RCAN1: variants seen among roughly 807,000 people sequenced by gnomAD.
RCAN1 encodes calcipressin-1.
A neutral mutation model predicts 22.9 loss-of-function variants in RCAN1; 11 were observed. The ratio of observed to expected loss-of-function variants is 0.48; its 90% CI spans 0.30 to 0.79. The LOEUF is 0.79. Among genes scored for constraint, RCAN1 ranks in the 30% least tolerant of loss-of-function variants. The pLI is 0.06. For synonymous variants in RCAN1, 136 were observed against 142.3 expected (o/e 0.96, Z 0.32); for missense variants, 291 against 337.8 (o/e 0.86, Z 1.09).
intron 1 of RCAN1, among the ~76,000 whole-genome samples, chr21:34,603,058 T>G (rs936113790): frequency 4.6e-5 from 7 of 152,138 alleles, no homozygotes; most frequent in Admixed American, 4.6e-4. Flanking sequence ...GGGGTGTCTC[T>G]CCACTTGAAA....
intron 2 of RCAN1, chr21:34,521,905 C>A: frequency 2.0e-6 from 1 of 493,632 alleles, no homozygotes. Flanking sequence ...ACAGGGACTG[C>A]AAATAATTAC....
At chr21:34,571,007 C>A (rs1987216401) in intron 1 of RCAN1, among the ~76,000 whole-genome samples, 1 of 151,992 alleles carries the variant, frequency 6.6e-6, no homozygotes, top group Non-Finnish European at 1.5e-5. Context: ...ACAAATGAAA[C>A]ATGTGGCCAG....
At chr21:34,529,279 C>T (rs536126588) in intron 1 of RCAN1, among the ~76,000 whole-genome samples, 2 of 152,302 alleles carry the variant, frequency 1.3e-5, no homozygotes, top group East Asian at 3.9e-4. Flanking sequence ...CCTTGGTTTT[C>T]CTTGGCTAAA....
intron 1 of RCAN1, among the ~76,000 whole-genome samples, chr21:34,585,756 A>AC (rs1568923708): frequency 6.6e-6 from 1 of 151,032 alleles, no homozygotes; most frequent in Non-Finnish European, 1.5e-5. Context: ...AAAAAAAAAA[A>AC]AAAAAAAACA....
intron 1 of RCAN1, among the ~76,000 whole-genome samples, chr21:34,538,438 G>T (rs571017267): frequency 5.3e-5 from 8 of 152,126 alleles, no homozygotes; most frequent in African/African-American, 1.7e-4. Context: ...CTGTAGAGGT[G>T]AAATTATGTG....
At chr21:34,560,650 A>G (rs1292030696) in intron 1 of RCAN1, among the ~76,000 whole-genome samples, 1 of 152,264 alleles carries the variant, frequency 6.6e-6, no homozygotes, top group Admixed American at 6.5e-5. Flanking sequence ...CTTAATAATT[A>G]GCACCAGAAG....
Position 34,614,573 on chromosome 21 carries a change from G to A in RCAN1, c.252+187C>T. On this transcript the variant is annotated intron_variant, in intron 1 of 3. Coordinates refer to ENST00000313806, the MANE Select transcript of RCAN1 (RefSeq NM_004414.7). The surrounding 1 kb of genome is among the most constrained non-coding windows in gnomAD (Gnocchi z 6.0). ...CTCCGCGCGCCCCGGGGGTGCTAGG[G>A]GACCGGGACCCTCGGGGCGCCGTCC... 1.0e-6 allele frequency: 1 copy of A among 987,602 alleles called. No homozygotes were observed. Among genetic ancestry groups the A allele is most frequent in the African/African-American group, 1.7e-5 (1 of 57,974 alleles). The allele number at this position is 987,602 out of a possible 1,614,324, so 61.2% of individuals were successfully genotyped here. A position where few individuals can be genotyped will look rare whatever the true frequency, so the allele number is the denominator to read the frequency against.
intron 1 of RCAN1, among the ~76,000 whole-genome samples, chr21:34,546,448 A>G (rs1228447380): frequency 1.3e-5 from 2 of 151,812 alleles, no homozygotes; most frequent in Non-Finnish European, 2.9e-5. Context: ...AAAATAATTT[A>G]CTTGTACAAT....
chr21:34,596,982 C>T (rs944821065), intron 1 of RCAN1, among the ~76,000 whole-genome samples: 1 of 152,170 alleles, frequency 6.6e-6, no homozygotes, highest in Non-Finnish European at 1.5e-5. Flanking sequence ...AGGGGTTGGA[C>T]AGTGACACCA....
In RCAN1 at chr21:34,521,005, G is replaced by A. The variant is rs201144000; in HGVS notation, c.586+494C>T. On this transcript the variant is annotated intron_variant, in intron 3 of 3. Coordinates refer to ENST00000313806, the MANE Select transcript of RCAN1 (RefSeq NM_004414.7). The stretch of plus-strand genomic sequence containing the variant: ...GGCCCTGGGGTAGGGCAGCCCGACC[G>A]CGGCCCTTCCCTCACCATGGCCTAT... 18 of 1,022,868 alleles carry A rather than the reference G, an allele frequency of 1.8e-5. No homozygotes were observed. The East Asian group carries it at 5.2e-4, about 30-fold the overall frequency. The allele number at this position is 1,022,868 out of a possible 1,614,324, so 63.4% of individuals were successfully genotyped here.
intron 1 of RCAN1, among the ~76,000 whole-genome samples, chr21:34,555,678 G>A (rs1986534832): frequency 6.6e-6 from 1 of 152,034 alleles, no homozygotes. Flanking sequence ...TTGAGGCTGG[G>A]TGAGGAGCTG....
At position 34,518,797 on chromosome 21, in the gene RCAN1, T is replaced by C. The variant is rs1476673929; in HGVS notation, c.587-541A>G. 6.6e-6 allele frequency among the ~76,000 whole-genome samples: 1 copy of C among 152,224 alleles called. No individual in the cohort carries two copies. The highest frequency in any genetic ancestry group is 1.5e-5 in the Non-Finnish European group (1 of 68,034). ...GGAAACGTTTTTGACCTGGGCATCT[T>C]TTCCTTAGAACAACTTCTAATCCCC... On this transcript the variant is annotated intron_variant, in intron 3 of 3. Coordinates refer to ENST00000313806, the MANE Select transcript of RCAN1 (RefSeq NM_004414.7). This position sits in a 1 kb window ranked among gnomAD's most constrained non-coding sequence, Gnocchi z 4.2.
intron 1 of RCAN1, among the ~76,000 whole-genome samples, chr21:34,590,715 G>A (rs1987943419): frequency 6.6e-6 from 1 of 152,220 alleles, no homozygotes; most frequent in Admixed American, 6.5e-5. Flanking sequence ...AGGCTGATCT[G>A]TCAGATCCTT....
At chr21:34,533,511 C>G (rs976066867) in intron 1 of RCAN1, among the ~76,000 whole-genome samples, 1 of 152,168 alleles carries the variant, frequency 6.6e-6, no homozygotes, top group African/African-American at 2.4e-5. Flanking sequence ...TGAACCTAAG[C>G]CTTCTGGTTC....
intron 1 of RCAN1, among the ~76,000 whole-genome samples, chr21:34,561,547 T>C (rs1196234624): frequency 6.6e-6 from 1 of 152,198 alleles, no homozygotes; most frequent in Non-Finnish European, 1.5e-5. Context: ...TAGTGAAATC[T>C]TTCTCCAAGA....
chr21:34,526,004 T>C (rs2834504), intron 1 of RCAN1, among the ~76,000 whole-genome samples: 3,213 of 152,268 alleles, frequency 0.021, 127 homozygotes, highest in African/African-American at 0.073. Context: ...GCATACAGGA[T>C]TCATTCCTAT....
chr21:34,600,524 G>T (rs1988300339), intron 1 of RCAN1, among the ~76,000 whole-genome samples: 1 of 152,052 alleles, frequency 6.6e-6, no homozygotes, highest in South Asian at 2.1e-4. Flanking sequence ...AGAGAGGGAG[G>T]GAAAGGAAAG....
intron 2 of RCAN1, 27 bp from the exon 3 acceptor site, chr21:34,521,685 A>G: frequency 6.3e-7 from 1 of 1,577,728 alleles, no homozygotes; most frequent in Non-Finnish European, 8.6e-7. Flanking sequence ...AGCACAGGTC[A>G]GTTGTTGCCA....
Position 34,614,017 on chromosome 21 carries a change from C to A in RCAN1, c.252+743G>T, listed in dbSNP as rs1988751101. ...TGAAATAAATTCTTCCTCCCCACCA[C>A]CATTATTGATTACTCATACCTGCCC... On this transcript the variant is annotated intron_variant, in intron 1 of 3. Transcript: ENST00000313806. This position sits in a 1 kb window ranked among gnomAD's most constrained non-coding sequence, Gnocchi z 6.0. 6.6e-6 allele frequency among the ~76,000 whole-genome samples: 1 copy of A among 152,262 alleles called. No homozygotes were observed. The highest frequency in any genetic ancestry group is 1.5e-5 in the Non-Finnish European group (1 of 68,052).
Sources: gnomAD v4.1 joint callset for allele counts (sites outside exome capture counted in the v4.1 genomes callset) on GRCh38, gnomAD v4.1.1 for gene constraint, Gnocchi (gnomAD v3.1) non-coding constraint, MANE v1.5 for transcripts, NCBI Gene and HGNC (gene_info 2026-07-23, HGNC 2026-07-21) for gene names.